C1orf141: variants seen among roughly 807,000 people sequenced by gnomAD.
The protein encoded by C1orf141 is uncharacterized protein C1orf141.
Under a neutral mutation model 23.2 loss-of-function variants are expected in C1orf141, and 19 were observed. The ratio of observed to expected loss-of-function variants is 0.82; its 90% CI spans 0.57 to 1.20. The LOEUF (loss-of-function observed/expected upper bound fraction) is 1.20, where lower values mean the gene tolerates loss of function less well. Among genes scored for constraint, C1orf141 ranks in the 50% most tolerant of loss-of-function variants. The pLI is 0.00. For synonymous variants in C1orf141, 153 were observed against 154.6 expected, an observed-to-expected ratio of 0.99 and a Z score of 0.08; for missense variants, 469 against 455.1, an observed-to-expected ratio of 1.03 and a Z score of -0.28.
upstream of C1orf141, chr1:67,135,108 CT>C (rs1646574249): frequency 6.6e-6 from 1 of 152,344 alleles, no homozygotes; most frequent in South Asian, 2.1e-4. Context: ...ACTTTTGTCA[CT>C]AAAAGCCCAG....
At chr1:67,126,069 G>C (rs1242108563) in intron 3 of C1orf141, among the ~76,000 whole-genome samples, 160 bp from the exon 4 acceptor site, 2 of 152,048 alleles carry the variant, frequency 1.3e-5, no homozygotes, top group Admixed American at 6.6e-5. Flanking sequence ...TGAAAATTGG[G>C]GGTCTAGTGC....
chr1:67,096,900 A>G (rs1645693355), intron 5 of C1orf141, among the ~76,000 whole-genome samples: 1 of 152,210 alleles, frequency 6.6e-6, no homozygotes, highest in African/African-American at 2.4e-5. Context: ...TTTGTACAGT[A>G]TACTGGAATA....
At chr1:67,104,591 T>C (rs1381731461) in intron 5 of C1orf141, among the ~76,000 whole-genome samples, 1 of 152,046 alleles carries the variant, frequency 6.6e-6, no homozygotes, top group Non-Finnish European at 1.5e-5. Flanking sequence ...TTTAAAAGAG[T>C]AACCAGCCCC....
chr1:67,104,063 C>A (rs189185620), intron 5 of C1orf141, among the ~76,000 whole-genome samples: 4 of 151,866 alleles, frequency 2.6e-5, no homozygotes, highest in African/African-American at 9.7e-5. Flanking sequence ...AGGTATATGA[C>A]AAAAGTCTAG....
intron 5 of C1orf141, among the ~76,000 whole-genome samples, chr1:67,115,004 A>G (rs1349086051): frequency 6.6e-6 from 1 of 152,204 alleles, no homozygotes; most frequent in Non-Finnish European, 1.5e-5. Flanking sequence ...TCTAACTTGA[A>G]AGTAAGTTTC....
At chr1:67,100,446 G>C (rs1645772301) in intron 5 of C1orf141, among the ~76,000 whole-genome samples, 1 of 152,016 alleles carries the variant, frequency 6.6e-6, no homozygotes, top group South Asian at 2.1e-4. Flanking sequence ...TTTAAATTCT[G>C]GTAGCATCAT....
upstream of C1orf141, among the ~76,000 whole-genome samples, chr1:67,135,906 C>CAAAAAAAAAAAAAAAAAA (rs59519661): frequency 2.1e-4 from 13 of 62,584 alleles, 1 homozygote; most frequent in African/African-American, 9.1e-4. Flanking sequence ...GGCAAAACTG[C>CAAAAAAAAAAAAAAAAAA]AAAAAAAAAA....
chr1:67,097,479 G>C (rs934423156), intron 5 of C1orf141, among the ~76,000 whole-genome samples: 1 of 152,228 alleles, frequency 6.6e-6, no homozygotes, highest in Admixed American at 6.5e-5. Flanking sequence ...AAAGAACAAA[G>C]AGGCCAGTGT....
At chr1:67,101,928 A>T (rs1202271685) in intron 5 of C1orf141, among the ~76,000 whole-genome samples, 1 of 152,130 alleles carries the variant, frequency 6.6e-6, no homozygotes, top group Non-Finnish European at 1.5e-5. Flanking sequence ...ACCTTAAGGG[A>T]TAATGTAGTA....
At chr1:67,129,313 AG>A in intron 2 of C1orf141, among the ~76,000 whole-genome samples, 1 of 152,110 alleles carries the variant, frequency 6.6e-6, no homozygotes, top group Middle Eastern at 3.4e-3. Context: ...AAAAGTAGCC[AG>A]GCACAGTAGC....
At chr1:67,126,295 A>C (rs1646412494) in intron 3 of C1orf141, among the ~76,000 whole-genome samples, 1 of 152,226 alleles carries the variant, frequency 6.6e-6, no homozygotes, top group Non-Finnish European at 1.5e-5. Context: ...ACGCACGATG[A>C]ATCACACCAA....
intron 5 of C1orf141, among the ~76,000 whole-genome samples, chr1:67,111,882 T>C (rs1646080631): frequency 6.6e-6 from 1 of 152,238 alleles, no homozygotes; most frequent in African/African-American, 2.4e-5. Flanking sequence ...GATAAAGCTA[T>C]ATTGTCTTGG....
intron 2 of C1orf141, among the ~76,000 whole-genome samples, chr1:67,130,533 A>G (rs1230155942): frequency 6.6e-6 from 1 of 152,168 alleles, no homozygotes; most frequent in East Asian, 1.9e-4. Flanking sequence ...ATACACACAC[A>G]CATACGCACA....
At chr1:67,108,319 G>A (rs1032488154) in intron 5 of C1orf141, among the ~76,000 whole-genome samples, 4 of 152,140 alleles carry the variant, frequency 2.6e-5, no homozygotes, top group Admixed American at 2.6e-4. Context: ...CATGGGAGAA[G>A]GGGCAAACAG....
intron 1 of C1orf141, among the ~76,000 whole-genome samples, chr1:67,131,612 C>A (rs7540900): frequency 0.87 from 132,077 of 151,748 alleles, 57,538 homozygotes; most frequent in East Asian, 1. Context: ...TAGTTTATTC[C>A]TCCTTCCCCT....
chr1:67,106,969 C>A (rs1396052823), intron 5 of C1orf141, among the ~76,000 whole-genome samples: 1 of 152,142 alleles, frequency 6.6e-6, no homozygotes, highest in Non-Finnish European at 1.5e-5. Flanking sequence ...TTAATAAGAG[C>A]CTCAGAGGGA....
Position 67,099,852 on chromosome 1 carries a change from A to G in C1orf141, c.347-3531T>C, listed in dbSNP as rs1198767587. On this transcript the variant is annotated intron_variant, in intron 5 of 7. Transcript: ENST00000684719. ...TGAGCACAGAATTTGATAAACTACTATGTATTTAATTGGCATTGTCTTTAA... is the reference window on the plus strand; with the variant it reads ...TGAGCACAGAATTTGATAAACTACTGTGTATTTAATTGGCATTGTCTTTAA... Among the ~76,000 whole-genome samples the G allele has an allele frequency of 2.0e-5, 3 of 152,204 alleles. No homozygotes were observed. In the South Asian group the frequency reaches 6.2e-4, roughly 31 times the overall value.
At chr1:67,134,081 A>G (rs4655522) in intron 1 of C1orf141, among the ~76,000 whole-genome samples, 132,695 of 152,260 alleles carry the variant, frequency 0.87, 57,889 homozygotes, top group East Asian at 1. Context: ...TCAGCTCACT[A>G]CAACCTCCGC....
intron 4 of C1orf141, among the ~76,000 whole-genome samples, chr1:67,115,667 G>A (rs1646179638): frequency 6.6e-6 from 1 of 152,108 alleles, no homozygotes; most frequent in South Asian, 2.1e-4. Flanking sequence ...AGTGGAGGGG[G>A]ACAGAAAACT....
Sources: allele counts gnomAD v4.1 joint callset (sites outside exome capture counted in the v4.1 genomes callset), GRCh38; gene constraint gnomAD v4.1.1; transcripts MANE v1.5; gene names NCBI Gene and HGNC (gene_info 2026-07-23, HGNC 2026-07-21).